ZNF644: variants seen among roughly 807,000 people sequenced by gnomAD.
ZNF644 encodes the protein zinc finger protein 644.
ZNF644 carries 20 observed loss-of-function variants against 108.0 expected under a neutral mutation model. That is an observed-to-expected ratio of 0.19 (90% CI 0.13 to 0.27). The LOEUF (loss-of-function observed/expected upper bound fraction) is 0.27. Ranked by LOEUF, ZNF644 falls within the 10% of genes least tolerant of loss-of-function variation. ZNF644 has a pLI of 1.00. For missense variants in ZNF644, 1,338 were observed against 1,548.9 expected, an observed-to-expected ratio of 0.86 and a Z score of 2.29; for synonymous variants, 542 against 539.1, an observed-to-expected ratio of 1.01 and a Z score of -0.08.
At chr1:90,965,907 A>G (rs521640) in intron 2 of ZNF644, among the ~76,000 whole-genome samples, 20,588 of 151,630 alleles carry the variant, frequency 0.14, 1,434 homozygotes, top group South Asian at 0.16. Context: ...CAGCCACCAC[A>G]CCCAGCTAAT....
chr1:90,927,834 C>T (rs1650228651), intron 4 of ZNF644, among the ~76,000 whole-genome samples: 2 of 150,952 alleles, frequency 1.3e-5, no homozygotes, highest in Non-Finnish European at 3.0e-5. Context: ...CCTTCACTTC[C>T]TTCTTTCCTT....
At chr1:90,943,412 G>T (rs775308875) in intron 2 of ZNF644, among the ~76,000 whole-genome samples, 1 of 152,148 alleles carries the variant, frequency 6.6e-6, no homozygotes, top group Non-Finnish European at 1.5e-5. Flanking sequence ...TTGCACTCCA[G>T]CCTGTGCAAC....
intron 1 of ZNF644, among the ~76,000 whole-genome samples, chr1:90,999,227 A>C (rs1409988375): frequency 1.3e-5 from 2 of 152,206 alleles, no homozygotes; most frequent in African/African-American, 4.8e-5. Context: ...GAGCAACTCC[A>C]AGACACATAA....
At chr1:90,954,115 A>C (rs1653484314) in intron 2 of ZNF644, among the ~76,000 whole-genome samples, 1 of 152,138 alleles carries the variant, frequency 6.6e-6, no homozygotes, top group Admixed American at 6.5e-5. Flanking sequence ...GAAGTTTGAC[A>C]CATTGATTGA....
chr1:91,007,248 T>C (rs1344900423), intron 1 of ZNF644, among the ~76,000 whole-genome samples: 8 of 142,442 alleles, frequency 5.6e-5, no homozygotes, highest in Non-Finnish European at 1.2e-4. Context: ...TTTTTTTTTT[T>C]TTTTTGAGAC....
chr1:90,929,294 C>T (rs1244168519), intron 4 of ZNF644, among the ~76,000 whole-genome samples: 1 of 152,152 alleles, frequency 6.6e-6, no homozygotes, highest in Non-Finnish European at 1.5e-5. Context: ...TACTATCTTG[C>T]ATAGTTTTCA....
rs757716266 is a variant in ZNF644 at position 90,940,863 on chromosome 1, G to C, written c.491C>G (p.Ser164Cys). The C allele has an allele frequency of 6.2e-7, 1 of 1,613,992 alleles. No individual in the cohort carries two copies. The highest frequency in any genetic ancestry group is 2.2e-5 in the East Asian group (1 of 44,884). Residue 164 changes from serine to cysteine, a missense_variant, in exon 3 of 6, where the codon TCT (serine) becomes TGT (cysteine). Ser to Cys is a moderately radical substitution (Grantham distance 112). This residue lies in a region of ZNF644 where 464 missense variants were observed against 457.9 expected (regional missense o/e 1.01). Transcript: ENST00000337393. Reference protein sequence around the residue: ...TLKVAADLQLSTPQKASQHQV... With the variant: ...TLKVAADLQLCTPQKASQHQV... ...GTGTTGACTTGCTTTCTGTGGTGTA[G>C]ACAGCTGAAGATCAGCTGCTACCTT...
At position 90,939,411 on chromosome 1, in the gene ZNF644, G is replaced by A; in HGVS notation, c.1943C>T (p.Ser648Leu). The change falls in exon 3 of 6, where the codon TCA becomes TTA. Residue 648 changes from serine to leucine, a missense_variant. Transcript: ENST00000337393. The stretch of plus-strand genomic sequence containing the variant: ...AGCAGAGTTCTTTGGAAATGTGGTT[G>A]ACTGTTGTTTAGTTAATGTTTTAGT... Reference protein sequence around the residue: ...DSTKTLTKQQSTTFPKNSALK... With the variant: ...DSTKTLTKQQLTTFPKNSALK... 1 of 1,613,960 alleles carries A rather than the reference G, an allele frequency of 6.2e-7. No individual in the cohort carries two copies. The highest frequency in any genetic ancestry group is 8.5e-7 in the Non-Finnish European group (1 of 1,179,940).
At chr1:91,001,420 A>G (rs915771012) in intron 1 of ZNF644, among the ~76,000 whole-genome samples, 1 of 152,220 alleles carries the variant, frequency 6.6e-6, no homozygotes, top group Non-Finnish European at 1.5e-5. Context: ...TATAAACAGA[A>G]CCAAAGACAA....
rs570440657 is a variant in ZNF644 at position 90,975,020 on chromosome 1, G to C, written c.44+7290C>G. The stretch of plus-strand genomic sequence containing the variant: ...GAACATGCTATTTCTTCTGCTAACA[G>C]TCCTTCCCCACATTTTTTATCCACA... On this transcript the variant is annotated intron_variant, in intron 2 of 5. Coordinates refer to ENST00000337393, the MANE Select transcript of ZNF644 (RefSeq NM_201269.3). Among the ~76,000 whole-genome samples, 4 of 152,188 alleles carry C rather than the reference G, an allele frequency of 2.6e-5. No individual in the cohort carries two copies. The South Asian group carries it at 8.3e-4, about 32-fold the overall frequency.
chr1:90,942,829 A>T (rs956180399), intron 2 of ZNF644, among the ~76,000 whole-genome samples: 15 of 152,094 alleles, frequency 9.9e-5, no homozygotes, highest in African/African-American at 3.6e-4. Flanking sequence ...AAGCTTCCAT[A>T]TTTCTTCTCC....
intron 2 of ZNF644, among the ~76,000 whole-genome samples, chr1:90,977,318 T>C (rs752116628): frequency 6.6e-6 from 1 of 152,072 alleles, no homozygotes; most frequent in Non-Finnish European, 1.5e-5. Flanking sequence ...GAAATATTTA[T>C]CCTAAAAAAA....
chr1:91,009,699 ATT>A (rs558131237), intron 1 of ZNF644, among the ~76,000 whole-genome samples: 1,931 of 152,242 alleles, frequency 0.013, 38 homozygotes, highest in African/African-American at 0.044. Flanking sequence ...TACCTTAAAT[ATT>A]TTTTACTTAG....
chr1:90,916,054 G>C lies in ZNF644; in HGVS notation c.*744C>G, dbSNP rs910519591. The C allele has an allele frequency of 6.6e-6, 1 of 152,518 alleles. No individual in the cohort carries two copies. The highest frequency in any genetic ancestry group is 6.6e-5 in the Admixed American group (1 of 15,266). 9.4% of individuals were successfully genotyped at this position (152,518 alleles called of 1,614,324 possible). A position where few individuals can be genotyped will look rare whatever the true frequency, so the allele number is the denominator to read the frequency against. ...GATACAAAAATGTAAAGGGTAAATAGCATCTTTGTTGACAAAGTAGGAGGT... is the reference window on the plus strand; with the variant it reads ...GATACAAAAATGTAAAGGGTAAATACCATCTTTGTTGACAAAGTAGGAGGT... On this transcript the variant is annotated 3_prime_UTR_variant, in exon 6 of 6. Transcript: ENST00000337393.
At position 90,959,096 on chromosome 1, in the gene ZNF644, A is replaced by T. The variant is rs576290580; in HGVS notation, c.45-17787T>A. Among the ~76,000 whole-genome samples, 12 of 152,338 alleles carry T rather than the reference A, an allele frequency of 7.9e-5. No homozygotes were observed. The South Asian group carries it at 2.3e-3, about 29-fold the overall frequency. ...AGACAACCTAATTTTTTAAATGAGC[A>T]AAGGACGTGAACAGATATTTCTCAA... On this transcript the variant is annotated intron_variant, in intron 2 of 5. Coordinates refer to ENST00000337393, the MANE Select transcript of ZNF644 (RefSeq NM_201269.3).
rs1656300822 is a variant in ZNF644, at chr1:90,979,211, C to T, written c.44+3099G>A. Among the ~76,000 whole-genome samples the T allele has an allele frequency of 3.3e-5, 5 of 152,274 alleles. No individual in the cohort carries two copies. The South Asian group carries it at 1.0e-3, about 32-fold the overall frequency. ...TTTAGGCCAGGTGCAGTGGCTCACA[C>T]CTGTAATCCCAGCACTTCGGAAGGC... On this transcript the variant is annotated intron_variant, in intron 2 of 5. Transcript: ENST00000337393.
intron 4 of ZNF644, among the ~76,000 whole-genome samples, chr1:90,934,525 T>C (rs1169359372): frequency 1.3e-5 from 2 of 152,120 alleles, no homozygotes; most frequent in Non-Finnish European, 2.9e-5. Context: ...CAGGGTAGCT[T>C]AAAAGACTAC....
Position 90,938,833 on chromosome 1 carries a change from A to G in ZNF644, c.2521T>C (p.Leu841=). 6.2e-7 allele frequency: 1 copy of G among 1,613,862 alleles called. No individual in the cohort carries two copies. Among genetic ancestry groups the G allele is most frequent in the Non-Finnish European group, 8.5e-7 (1 of 1,179,940 alleles). The change falls in exon 3 of 6, where the codon TTG becomes CTG. Residue 841 remains leucine (L), a synonymous_variant. Transcript: ENST00000337393. The surrounding 1 kb of genome is among the most constrained non-coding windows in gnomAD (Gnocchi z 4.2). ...DFLHKMTVVV[L]QKLNSAEKKD... ...TTTTCAGCAGAATTAAGTTTTTGCA[A>G]AACGACAACAGTCATTTTATGCAAA...
intron 2 of ZNF644, among the ~76,000 whole-genome samples, chr1:90,964,786 T>A (rs528605733): frequency 6.6e-6 from 1 of 152,172 alleles, no homozygotes; most frequent in Non-Finnish European, 1.5e-5. Flanking sequence ...ACTTTAAAAA[T>A]AGAAGAGGTC....
Sources: allele counts gnomAD v4.1 joint callset (sites outside exome capture counted in the v4.1 genomes callset), GRCh38; gene constraint gnomAD v4.1.1; regional missense constraint gnomAD v4.1.1; non-coding constraint Gnocchi (gnomAD v3.1); transcripts MANE v1.5; gene names NCBI Gene and HGNC (gene_info 2026-07-23, HGNC 2026-07-21).